Variants in COQ8B observed in about 807,000 individuals in gnomAD.
COQ8B encodes coenzyme Q8B, also known as atypical kinase COQ8B, mitochondrial.
A neutral mutation model predicts 62.0 loss-of-function variants in COQ8B; 44 were observed. The observed-to-expected ratio is 0.71, with a 90% CI of 0.56 to 0.91. The LOEUF (loss-of-function observed/expected upper bound fraction) is 0.91. Ranked by LOEUF, COQ8B falls within the 40% of genes least tolerant of loss-of-function variation. The pLI is 0.00. For synonymous variants in COQ8B, 252 were observed against 289.9 expected (o/e 0.87, Z 1.33); for missense variants, 649 against 731.6 (o/e 0.89, Z 1.30).
In COQ8B at chr19:40,691,929, G is replaced by A; in HGVS notation, c.*106C>T. The A allele has an allele frequency of 8.9e-7, 1 of 1,120,620 alleles. No individual in the cohort carries two copies. The highest frequency in any genetic ancestry group is 1.2e-6 in the Non-Finnish European group (1 of 846,018). The allele number at this position is 1,120,620 out of a possible 1,614,324, so 69.4% of individuals were successfully genotyped here. Reference sequence around the variant, plus strand: ...CCAAGGAGGAGAGCCAGGCAAGACTGGGAAGCCCAAGGGGGCTCCTCTGAC... The same window carrying A: ...CCAAGGAGGAGAGCCAGGCAAGACTAGGAAGCCCAAGGGGGCTCCTCTGAC... On this transcript the variant is annotated 3_prime_UTR_variant, in exon 15 of 15. Transcript: ENST00000324464.
chr19:40,701,738 G>A (rs1353093078), intron 10 of COQ8B, among the ~76,000 whole-genome samples: 1 of 152,156 alleles, frequency 6.6e-6, no homozygotes, highest in Admixed American at 6.5e-5. Context: ...GGCTGACCCA[G>A]GATTTCATCC....
intron 5 of COQ8B, among the ~76,000 whole-genome samples, chr19:40,706,565 T>A (rs915151062): frequency 2.6e-5 from 4 of 152,166 alleles, no homozygotes; most frequent in Admixed American, 2.0e-4. Flanking sequence ...GCCCAAGTGA[T>A]CCTCCTGCCT....
chr19:40,698,427 A>G (rs2082036256), intron 12 of COQ8B, among the ~76,000 whole-genome samples: 1 of 151,882 alleles, frequency 6.6e-6, no homozygotes, highest in Admixed American at 6.6e-5. Flanking sequence ...AATCCCAGCT[A>G]CTTGGGAGGC....
At position 40,705,096 on chromosome 19, in the gene COQ8B, C is replaced by T; in HGVS notation, c.576G>A (p.Leu192=). 1 of 1,605,590 alleles carries T rather than the reference C, an allele frequency of 6.2e-7. No homozygotes were observed. The highest frequency in any genetic ancestry group is 1.3e-5 in the African/African-American group (1 of 74,920). ...CCGCCCTCCCCCACTGGGCACTCAC[C>T]AGCATCTGCCAGCGGGGCATGAAGT... ...SADFMPRWQM[L]RVLEEELGRD... is the part of the protein sequence containing the mutation. The change falls in exon 7 of 15, where the codon CTG becomes CTA. Residue 192 remains leucine (L), a splice_region_variant and synonymous_variant. Transcript: ENST00000324464.
intron 12 of COQ8B, among the ~76,000 whole-genome samples, chr19:40,697,522 C>T (rs1338044894): frequency 2.0e-5 from 3 of 151,978 alleles, no homozygotes; most frequent in Non-Finnish European, 2.9e-5. Flanking sequence ...GGTGGCTGGG[C>T]GTGATGGCTC....
At chr19:40,703,077 T>C (rs1487091206) in intron 9 of COQ8B, among the ~76,000 whole-genome samples, 2 of 152,204 alleles carry the variant, frequency 1.3e-5, no homozygotes, top group Non-Finnish European at 2.9e-5. Flanking sequence ...GAGTCACGCC[T>C]GCCTCTATTC....
intron 12 of COQ8B, among the ~76,000 whole-genome samples, chr19:40,696,864 T>A (rs932543967): frequency 6.6e-6 from 1 of 152,216 alleles, no homozygotes; most frequent in Admixed American, 6.5e-5. Flanking sequence ...GTGCATATTT[T>A]CAAACTTCAC....
At chr19:40,708,789 C>T (rs747043735) in intron 5 of COQ8B, among the ~76,000 whole-genome samples, 1 of 151,894 alleles carries the variant, frequency 6.6e-6, no homozygotes, top group Non-Finnish European at 1.5e-5. Flanking sequence ...ATTAGCCAGG[C>T]GTGGTGGCAC....
chr19:40,699,762 T>C (rs1032551228), intron 12 of COQ8B, among the ~76,000 whole-genome samples: 2 of 152,194 alleles, frequency 1.3e-5, no homozygotes, highest in Admixed American at 6.5e-5. Context: ...GCTATGTCCA[T>C]TGCCCCAGGA....
intron 5 of COQ8B, among the ~76,000 whole-genome samples, chr19:40,706,750 G>A (rs1347121658): frequency 6.6e-6 from 1 of 152,122 alleles, no homozygotes; most frequent in Non-Finnish European, 1.5e-5. Flanking sequence ...GTAAGCCACC[G>A]CACCTGGCCT....
intron 4 of COQ8B, among the ~76,000 whole-genome samples, chr19:40,713,204 G>A (rs1452280436): frequency 6.6e-6 from 1 of 152,018 alleles, no homozygotes; most frequent in African/African-American, 2.4e-5. Flanking sequence ...TCTACTAAAA[G>A]TACAAAAATT....
At chr19:40,695,512 A>G (rs2082008160) in intron 13 of COQ8B, among the ~76,000 whole-genome samples, 1 of 152,096 alleles carries the variant, frequency 6.6e-6, no homozygotes, top group Non-Finnish European at 1.5e-5. Flanking sequence ...CCTCCTGTAG[A>G]CAGAGTTGCC....
rs2082089910 is a variant in COQ8B, at chr19:40,705,097, A to G, written c.575T>C (p.Leu192Pro). 1.9e-6 allele frequency: 3 copies of G among 1,606,344 alleles called. No individual in the cohort carries two copies. The highest frequency in any genetic ancestry group is 1.7e-6 in the Non-Finnish European group (2 of 1,176,686). The change falls in exon 7 of 15, where the codon CTG becomes CCG. Residue 192 changes from leucine (L) to proline (P), a missense_variant and splice_region_variant. Coordinates refer to ENST00000324464, the MANE Select transcript of COQ8B (RefSeq NM_024876.4). ...CGCCCTCCCCCACTGGGCACTCACC[A>G]GCATCTGCCAGCGGGGCATGAAGTC... Reference protein sequence around the residue: ...SADFMPRWQMLRVLEEELGRD... With the variant: ...SADFMPRWQMPRVLEEELGRD...
At chr19:40,697,669 G>A (rs556056492) in intron 12 of COQ8B, among the ~76,000 whole-genome samples, 116 of 150,278 alleles carry the variant, frequency 7.7e-4, no homozygotes, top group Middle Eastern at 3.4e-3. Context: ...GGTGGCGCAC[G>A]CCTGTAGTCC....
chr19:40,693,850 G>T (rs987370170), intron 13 of COQ8B, among the ~76,000 whole-genome samples: 1 of 149,790 alleles, frequency 6.7e-6, no homozygotes, highest in Non-Finnish European at 1.5e-5. Flanking sequence ...AGGGGAAGCA[G>T]ACCCGGAGTA....
intron 12 of COQ8B, 43 bp downstream of exon 12, chr19:40,700,024 T>C (rs772145293): frequency 6.4e-7 from 1 of 1,564,252 alleles, no homozygotes; most frequent in South Asian, 1.1e-5. Context: ...GAATATTTGT[T>C]ACAACAGCAA....
chr19:40,699,795 G>A (rs2082047337), intron 12 of COQ8B, among the ~76,000 whole-genome samples: 1 of 152,146 alleles, frequency 6.6e-6, no homozygotes, highest in Non-Finnish European at 1.5e-5. Context: ...ATTTAGCCTG[G>A]GCATTACTTT....
At chr19:40,702,451 G>T in intron 10 of COQ8B, 149 bp downstream of exon 10, 1 of 785,566 alleles carries the variant, frequency 1.3e-6, no homozygotes, top group Non-Finnish European at 2.2e-6. Flanking sequence ...CGAAGTGATG[G>T]ATGAGTGGAA....
intron 4 of COQ8B, 142 bp from the exon 5 acceptor site, chr19:40,710,278 T>C: frequency 1.3e-6 from 1 of 752,736 alleles, no homozygotes; most frequent in Non-Finnish European, 2.1e-6. Flanking sequence ...GGAGTCTCGC[T>C]CTGTTGCCCA....
Sources: gnomAD v4.1 joint callset for allele counts (sites outside exome capture counted in the v4.1 genomes callset) on GRCh38, gnomAD v4.1.1 for gene constraint, MANE v1.5 for transcripts, NCBI Gene and HGNC (gene_info 2026-07-23, HGNC 2026-07-21) for gene names.